The following CYP2C8 variants were observed in gnomAD, a reference collection of about 807,000 sequenced individuals.
The protein encoded by CYP2C8 is cytochrome P450 family 2 subfamily C member 8, also known as cytochrome P450 2C8.
A neutral mutation model predicts 41.3 loss-of-function variants in CYP2C8; 51 were observed. The observed-to-expected ratio is 1.24, with a 90% CI of 0.99 to 1.56. CYP2C8 has a LOEUF of 1.56. CYP2C8 is among the 40% of genes most tolerant of loss of function. CYP2C8 has a pLI of 0.00. For missense variants in CYP2C8, 651 were observed against 579.9 expected, an observed-to-expected ratio of 1.12 and a Z score of -1.26; for synonymous variants, 218 against 205.8, an observed-to-expected ratio of 1.06 and a Z score of -0.51.
rs189196423 is a variant in CYP2C8, at chr10:95,063,245, G to A, written c.642+1555C>T. ...ACCCTGCAGAGTGTTTTCCAACTCA[G>A]TTCCATTCTCCCCGTCACTTTCAGA... On this transcript the variant is annotated intron_variant, in intron 4 of 8. Transcript: ENST00000371270. 3.8e-4 allele frequency among the ~76,000 whole-genome samples: 58 copies of A among 152,310 alleles called. 1 individual carries two copies. In the East Asian group the frequency reaches 0.011, roughly 29 times the overall value.
chr10:95,058,107 A>T, intron 5 of CYP2C8, among the ~76,000 whole-genome samples: 1 of 151,982 alleles, frequency 6.6e-6, no homozygotes, highest in South Asian at 2.1e-4. Flanking sequence ...TATTCTACTC[A>T]TGTAGATTAT....
intron 5 of CYP2C8, among the ~76,000 whole-genome samples, chr10:95,048,410 A>G (rs1002314236): frequency 7.9e-5 from 12 of 152,176 alleles, no homozygotes; most frequent in South Asian, 4.1e-4. Context: ...CTGGTCTCCT[A>G]GCAGCAGGTG....
intron 4 of CYP2C8, 112 bp downstream of exon 4, chr10:95,064,688 A>C: frequency 9.4e-7 from 1 of 1,059,380 alleles, no homozygotes; most frequent in Non-Finnish European, 1.4e-6. Flanking sequence ...TCACTCATAC[A>C]TCATTTTTAT....
chr10:95,056,629 A>C (rs2134426242), intron 5 of CYP2C8, among the ~76,000 whole-genome samples: 1 of 152,332 alleles, frequency 6.6e-6, no homozygotes, highest in Non-Finnish European at 1.5e-5. Context: ...TCATTATGCT[A>C]AGTGAAAGAA....
intron 3 of CYP2C8, among the ~76,000 whole-genome samples, chr10:95,066,114 C>T (rs1269345449): frequency 1.2e-5 from 1 of 83,420 alleles, no homozygotes; most frequent in Non-Finnish European, 2.6e-5. Context: ...TTTGGGAAGC[C>T]TTGGTGAGAG....
rs1416881603 is a variant in CYP2C8 at position 95,067,670 on chromosome 10, C to G, written c.190G>C (p.Val64Leu). The change falls in exon 2 of 9, where the codon GTG (valine) becomes CTG (leucine). Residue 64 changes from valine (V) to leucine (L), a missense_variant. Val to Leu is a conservative substitution (Grantham distance 32). Coordinates refer to ENST00000371270, the MANE Select transcript of CYP2C8 (RefSeq NM_000770.3). ...FTNFSKVYGPVFTVYFGMNPI... is the reference protein window; with the variant it reads ...FTNFSKVYGPLFTVYFGMNPI... The stretch of plus-strand genomic sequence containing the variant: ...TTCATGCCAAAATACACGGTGAACA[C>G]AGGACCATAGACTTTTGAGAACTGG... The G allele has an allele frequency of 3.1e-6, 5 of 1,614,030 alleles. No individual in the cohort carries two copies. Among genetic ancestry groups the G allele is most frequent in the Non-Finnish European group, 4.2e-6 (5 of 1,180,038 alleles).
At chr10:95,044,736 AG>A (rs1356032838) in intron 6 of CYP2C8, among the ~76,000 whole-genome samples, 1 of 152,064 alleles carries the variant, frequency 6.6e-6, no homozygotes, top group Non-Finnish European at 1.5e-5. Context: ...GGAAAAAATC[AG>A]GTACCTGATA....
At chr10:95,057,115 G>A (rs1370403185) in intron 5 of CYP2C8, among the ~76,000 whole-genome samples, 1 of 152,084 alleles carries the variant, frequency 6.6e-6, no homozygotes, top group Admixed American at 6.6e-5. Flanking sequence ...GCCATGGAAA[G>A]GGGAGGTAAC....
In CYP2C8 at chr10:95,062,528, G is replaced by A. The variant is rs578182197; in HGVS notation, c.642+2272C>T. Among the ~76,000 whole-genome samples the A allele has an allele frequency of 3.9e-5, 6 of 152,158 alleles. No individual in the cohort carries two copies. In the South Asian group the frequency reaches 8.3e-4, roughly 21 times the overall value. Reference sequence around the variant, plus strand: ...CTCCTTCCCTTTATTTTGAGCCTATGTGCGTCTCTGCACATGAGATGGGTT... The same window carrying A: ...CTCCTTCCCTTTATTTTGAGCCTATATGCGTCTCTGCACATGAGATGGGTT... On this transcript the variant is annotated intron_variant, in intron 4 of 8. Transcript: ENST00000371270.
At chr10:95,045,647 A>G (rs1589438417) in intron 6 of CYP2C8, among the ~76,000 whole-genome samples, 163 bp downstream of exon 6, 1 of 152,318 alleles carries the variant, frequency 6.6e-6, no homozygotes. Flanking sequence ...CCATTGTACA[A>G]AGATGTCATT....
rs912588650 is a variant in CYP2C8, at chr10:95,067,518, T to C, written c.331+11A>G. 1.2e-6 allele frequency: 2 copies of C among 1,614,114 alleles called. No individual in the cohort carries two copies. Among genetic ancestry groups the C allele is most frequent in the Middle Eastern group, 1.7e-4 (1 of 6,060 alleles). ...AGTTACCAAAGCTGACACAGAAATATGTGCACCTACCAAGTCCTTTAGTAA... is the reference window on the plus strand; with the variant it reads ...AGTTACCAAAGCTGACACAGAAATACGTGCACCTACCAAGTCCTTTAGTAA... On this transcript the variant is annotated intron_variant, in intron 2 of 8. Coordinates refer to ENST00000371270, the MANE Select transcript of CYP2C8 (RefSeq NM_000770.3).
intron 3 of CYP2C8, 79 bp from the exon 4 acceptor site, chr10:95,065,039 A>G: frequency 1.6e-6 from 2 of 1,233,488 alleles, no homozygotes; most frequent in Non-Finnish European, 2.1e-6. Context: ...ACATAAAGGA[A>G]ATTTAGAAAT....
intron 7 of CYP2C8, among the ~76,000 whole-genome samples, chr10:95,040,249 G>C (rs548654180): frequency 6.6e-6 from 1 of 151,610 alleles, no homozygotes; most frequent in Non-Finnish European, 1.5e-5. Flanking sequence ...GGTGTAGATA[G>C]ACCCTTGTAT....
At chr10:95,067,802 A>G in intron 1 of CYP2C8, 111 bp from the exon 2 acceptor site, 1 of 1,139,130 alleles carries the variant, frequency 8.8e-7, no homozygotes, top group Non-Finnish European at 1.3e-6. Flanking sequence ...TATTTGCCAC[A>G]CATAGATTCG....
At chr10:95,067,721 A>G in intron 1 of CYP2C8, 30 bp from the exon 2 acceptor site, 1 of 1,608,220 alleles carries the variant, frequency 6.2e-7, no homozygotes, top group South Asian at 1.1e-5. Flanking sequence ...TAGCAGCAAA[A>G]TAAGTCGCTA....
chr10:95,067,652 C>G lies in CYP2C8; in HGVS notation c.208G>C (p.Gly70Arg). The G allele has an allele frequency of 6.2e-7, 1 of 1,614,144 alleles. No homozygotes were observed. The highest frequency in any genetic ancestry group is 8.5e-7 in the Non-Finnish European group (1 of 1,180,024). The change falls in exon 2 of 9, where the codon GGC (glycine) becomes CGC (arginine). Residue 70 changes from glycine (G) to arginine (R), a missense_variant. By Grantham distance (125) the Gly-to-Arg change is moderately radical. Coordinates refer to ENST00000371270, the MANE Select transcript of CYP2C8 (RefSeq NM_000770.3). ...VYGPVFTVYF[G>R]MNPIVVFHGY... is the part of the protein sequence containing the mutation. The stretch of plus-strand genomic sequence containing the variant: ...TGAAACACCACTATGGGATTCATGC[C>G]AAAATACACGGTGAACACAGGACCA...
intron 5 of CYP2C8, among the ~76,000 whole-genome samples, chr10:95,056,349 A>G (rs908150892): frequency 1.3e-5 from 2 of 152,200 alleles, no homozygotes; most frequent in Non-Finnish European, 2.9e-5. Context: ...TTGTTTCTCA[A>G]AAAGTTAAAC....
At chr10:95,060,192 T>TA (rs373189196) in intron 4 of CYP2C8, among the ~76,000 whole-genome samples, 96,763 of 151,286 alleles carry the variant, frequency 0.64, 31,655 homozygotes, top group African/African-American at 0.76. Flanking sequence ...AAGTCATTGG[T>TA]GCTTGATGGG....
intron 5 of CYP2C8, among the ~76,000 whole-genome samples, chr10:95,047,665 G>A (rs1358470830): frequency 1.3e-5 from 2 of 152,148 alleles, no homozygotes; most frequent in African/African-American, 4.8e-5. Flanking sequence ...GGCATTAACT[G>A]CCTATATTGG....
Sources: gnomAD v4.1 joint callset for allele counts (sites outside exome capture counted in the v4.1 genomes callset) on GRCh38, gnomAD v4.1.1 for gene constraint, MANE v1.5 for transcripts, NCBI Gene and HGNC (gene_info 2026-07-23, HGNC 2026-07-21) for gene names.